The following SAXO1 variants were observed in gnomAD, a reference collection of about 807,000 sequenced individuals.
SAXO1 encodes stabilizer of axonemal microtubules 1.
A neutral mutation model predicts 17.5 loss-of-function variants in SAXO1; 21 were observed. That is an observed-to-expected ratio of 1.20 (90% CI 0.85 to 1.72). The LOEUF (loss-of-function observed/expected upper bound fraction) is 1.72, where lower values mean the gene tolerates loss of function less well. Among genes scored for constraint, SAXO1 ranks in the 40% most tolerant of loss-of-function variants. The pLI is 0.00. For synonymous variants in SAXO1, 274 were observed against 216.5 expected, an observed-to-expected ratio of 1.27 and a Z score of -2.33; for missense variants, 843 against 596.0, an observed-to-expected ratio of 1.41 and a Z score of -4.32.
At chr9:18,944,351 C>T (rs184317341) in intron 2 of SAXO1, among the ~76,000 whole-genome samples, 97 of 152,336 alleles carry the variant, frequency 6.4e-4, no homozygotes, top group African/African-American at 2.1e-3. Flanking sequence ...ATGTTGAGAA[C>T]ATTCACTGAA....
chr9:19,032,138 C>T (rs1588566806), intron 1 of SAXO1, among the ~76,000 whole-genome samples: 1 of 152,216 alleles, frequency 6.6e-6, no homozygotes, highest in South Asian at 2.1e-4. Context: ...GACCTCAGAA[C>T]CCTCTTGCCT....
intron 3 of SAXO1, among the ~76,000 whole-genome samples, chr9:18,934,212 T>C (rs988779033): frequency 6.6e-5 from 10 of 152,348 alleles, no homozygotes; most frequent in Non-Finnish European, 1.5e-4. Context: ...GCCTCTTGAA[T>C]GTATTAATAA....
intron 1 of SAXO1, among the ~76,000 whole-genome samples, chr9:18,994,300 A>G (rs1453125474): frequency 6.6e-6 from 1 of 152,182 alleles, no homozygotes; most frequent in Non-Finnish European, 1.5e-5. Context: ...AAATTTTATG[A>G]CGACAATGTG....
At chr9:19,000,693 A>G (rs2130956551) in intron 1 of SAXO1, among the ~76,000 whole-genome samples, 1 of 152,240 alleles carries the variant, frequency 6.6e-6, no homozygotes, top group Middle Eastern at 3.4e-3. Flanking sequence ...ATTAAAGTTT[A>G]CTTTTTAATT....
At chr9:18,956,307 T>C (rs1306730667) in intron 1 of SAXO1, among the ~76,000 whole-genome samples, 2 of 152,098 alleles carry the variant, frequency 1.3e-5, no homozygotes, top group African/African-American at 4.8e-5. Context: ...TCAAAACAAA[T>C]CCATGACCAT....
intron 1 of SAXO1, among the ~76,000 whole-genome samples, chr9:18,980,850 C>T (rs1833358559): frequency 6.8e-6 from 1 of 146,370 alleles, no homozygotes; most frequent in Non-Finnish European, 1.5e-5. Context: ...ATCGAGAACC[C>T]TCACCGCTCA....
At chr9:18,994,499 C>T (rs371155894) in intron 1 of SAXO1, among the ~76,000 whole-genome samples, 8 of 152,258 alleles carry the variant, frequency 5.3e-5, no homozygotes, top group Non-Finnish European at 1.0e-4. Context: ...AAAGCAGTCA[C>T]GCTGCATCTC....
chr9:19,009,164 C>G (rs1239239213), intron 1 of SAXO1, among the ~76,000 whole-genome samples: 3 of 151,984 alleles, frequency 2.0e-5, no homozygotes, highest in Admixed American at 6.6e-5. Context: ...AAAAACTATG[C>G]AAACAAGATT....
chr9:18,953,303 T>A (rs1468748895), intron 1 of SAXO1, among the ~76,000 whole-genome samples: 1 of 152,226 alleles, frequency 6.6e-6, no homozygotes, highest in Non-Finnish European at 1.5e-5. Flanking sequence ...ACTACTTTCA[T>A]ATAACCCCCT....
intron 1 of SAXO1, among the ~76,000 whole-genome samples, chr9:18,962,542 T>C: frequency 6.6e-6 from 1 of 152,254 alleles, no homozygotes; most frequent in Non-Finnish European, 1.5e-5. Context: ...CTTTGTCAGA[T>C]GGACAGATTG....
At chr9:19,019,003 G>A (rs1240853918) in intron 1 of SAXO1, among the ~76,000 whole-genome samples, 1 of 152,022 alleles carries the variant, frequency 6.6e-6, no homozygotes, top group Non-Finnish European at 1.5e-5. Context: ...CAGCTACTGG[G>A]GAGGCTGAGG....
intron 2 of SAXO1, among the ~76,000 whole-genome samples, 179 bp from the exon 3 acceptor site, chr9:18,942,018 C>T (rs924649883): frequency 6.8e-6 from 1 of 146,130 alleles, no homozygotes; most frequent in African/African-American, 2.8e-5. Context: ...ACCATCAATT[C>T]CTTCTCACCC....
intron 3 of SAXO1, among the ~76,000 whole-genome samples, chr9:18,938,332 A>C (rs1469837573): frequency 1.3e-5 from 2 of 152,180 alleles, no homozygotes; most frequent in Admixed American, 1.3e-4. Flanking sequence ...ATGGTTCTGC[A>C]GGATGTACAG....
At chr9:19,029,451 G>C (rs1184068650) in intron 1 of SAXO1, among the ~76,000 whole-genome samples, 2 of 152,178 alleles carry the variant, frequency 1.3e-5, no homozygotes, top group Non-Finnish European at 2.9e-5. Flanking sequence ...TTGTCTTCCA[G>C]ATTTCCCATT....
chr9:19,002,524 C>A (rs1397305222), intron 1 of SAXO1, among the ~76,000 whole-genome samples: 3 of 152,210 alleles, frequency 2.0e-5, no homozygotes, highest in Non-Finnish European at 2.9e-5. Context: ...AATCCAGCAG[C>A]ACATCAAATG....
intron 1 of SAXO1, among the ~76,000 whole-genome samples, chr9:18,951,471 C>G (rs958083174): frequency 6.6e-6 from 1 of 152,198 alleles, no homozygotes; most frequent in South Asian, 2.1e-4. Context: ...TCTGAGTCCA[C>G]CAGACACCAC....
intron 1 of SAXO1, among the ~76,000 whole-genome samples, chr9:18,993,505 G>T (rs913484193): frequency 6.6e-6 from 1 of 152,158 alleles, no homozygotes; most frequent in Non-Finnish European, 1.5e-5. Flanking sequence ...AGGGTGAGAA[G>T]GTGCAGACAT....
chr9:19,032,549 T>C (rs1385847468), intron 1 of SAXO1, among the ~76,000 whole-genome samples: 2 of 152,230 alleles, frequency 1.3e-5, no homozygotes, highest in Non-Finnish European at 2.9e-5. Flanking sequence ...CTGGTCCCAC[T>C]GGGCCAGGTG....
At chr9:18,990,433 C>A (rs998979223) in intron 1 of SAXO1, among the ~76,000 whole-genome samples, 1 of 152,124 alleles carries the variant, frequency 6.6e-6, no homozygotes, top group African/African-American at 2.4e-5. Context: ...TAGCAGGACA[C>A]CGTGGCTTAT....
Sources: allele counts gnomAD v4.1 joint callset (sites outside exome capture counted in the v4.1 genomes callset), GRCh38; gene constraint gnomAD v4.1.1; transcripts MANE v1.5; gene names NCBI Gene and HGNC (gene_info 2026-07-23, HGNC 2026-07-21).